VPS37A: variants seen among roughly 807,000 people sequenced by gnomAD.
VPS37A encodes the protein VPS37A subunit of ESCRT-I.
A neutral mutation model predicts 49.8 loss-of-function variants in VPS37A; 30 were observed. The observed-to-expected ratio is 0.60, with a 90% confidence interval of 0.45 to 0.82. The LOEUF is 0.82. Ranked by LOEUF, VPS37A falls within the 40% of genes least tolerant of loss-of-function variation. The probability of loss-of-function intolerance (pLI) is 0.00; values close to 1 mark genes in which losing one functional copy is unlikely to be tolerated. For missense variants in VPS37A, 593 were observed against 464.4 expected, an observed-to-expected ratio of 1.28 and a Z score of -2.55; for synonymous variants, 195 against 160.6, an observed-to-expected ratio of 1.21 and a Z score of -1.62.
At chr8:17,327,587 T>C in the VPS37A span, among the ~76,000 whole-genome samples, 2 of 152,106 alleles carry the variant, frequency 1.3e-5, no homozygotes, top group African/African-American at 4.8e-5. Flanking sequence ...CCTTCCTGTA[T>C]CTTTATTTTT....
chr8:17,327,734 ATTCTT>A, the VPS37A span, among the ~76,000 whole-genome samples: 8,500 of 152,244 alleles, frequency 0.056, 317 homozygotes, highest in Non-Finnish European at 0.085. Context: ...GTTTTACCAC[ATTCTT>A]TTGAGTATTG....
the VPS37A span, among the ~76,000 whole-genome samples, chr8:17,314,317 C>T: frequency 1.3e-5 from 2 of 152,074 alleles, no homozygotes; most frequent in Non-Finnish European, 2.9e-5. Flanking sequence ...GCAGTAAACA[C>T]ACATAGGGAA....
chr8:17,274,615 C>T, intron 4 of VPS37A, 118 bp from the exon 5 acceptor site: 1 of 614,882 alleles, frequency 1.6e-6, no homozygotes, highest in East Asian at 2.9e-5. Context: ...ATATCACCTG[C>T]CATTATAACA....
chr8:17,276,859 T>G (rs1463955625), intron 6 of VPS37A, among the ~76,000 whole-genome samples: 2 of 152,170 alleles, frequency 1.3e-5, no homozygotes, highest in Non-Finnish European at 2.9e-5. Context: ...AATAAAGTTA[T>G]AAAGTATTAG....
At chr8:17,271,299 C>T (rs569747630) in intron 4 of VPS37A, among the ~76,000 whole-genome samples, 1 of 152,282 alleles carries the variant, frequency 6.6e-6, no homozygotes, top group African/African-American at 2.4e-5. Flanking sequence ...CAAGATGACA[C>T]AATTCCTTTA....
chr8:17,308,271 TCTC>T, the VPS37A span, among the ~76,000 whole-genome samples: 1 of 152,226 alleles, frequency 6.6e-6, no homozygotes, highest in East Asian at 1.9e-4. Flanking sequence ...CTGTCATCTG[TCTC>T]CTATCTTGGA....
downstream of VPS37A, chr8:17,299,309 T>G (rs1816944164): frequency 6.6e-6 from 1 of 152,208 alleles, no homozygotes; most frequent in South Asian, 2.1e-4. Flanking sequence ...AAAGTTAAAG[T>G]GATGATTATG....
At chr8:17,323,236 C>T in the VPS37A span, among the ~76,000 whole-genome samples, 4 of 151,984 alleles carry the variant, frequency 2.6e-5, no homozygotes, top group Non-Finnish European at 5.9e-5. Context: ...TATGAGCCAC[C>T]ACACCCAGCC....
rs1249410926 is a variant in VPS37A at position 17,297,566 on chromosome 8, C to T, written c.*2580C>T. ...GGTCAAAATTCTTACCTATTTATTT[C>T]ATATCAACTTTAAAAAATAAATTAC... is the stretch of plus-strand genomic sequence containing the variant. On this transcript the variant is annotated 3_prime_UTR_variant, in exon 12 of 12. Transcript: ENST00000324849. 6.7e-6 allele frequency: 1 copy of T among 150,068 alleles called. No homozygotes were observed. The highest frequency in any genetic ancestry group is 1.5e-5 in the Non-Finnish European group (1 of 67,534). The allele number at this position is 150,068 out of a possible 1,614,324, so 9.3% of individuals were successfully genotyped here. A position where few individuals can be genotyped will look rare whatever the true frequency, so the allele number is the denominator to read the frequency against.
chr8:17,307,782 A>G, the VPS37A span, among the ~76,000 whole-genome samples: 1 of 152,100 alleles, frequency 6.6e-6, no homozygotes. Context: ...AAACTATCGC[A>G]AGGACAAAAA....
intron 1 of VPS37A, 44 bp from the exon 2 acceptor site, chr8:17,265,863 G>T: frequency 6.2e-7 from 1 of 1,611,884 alleles, no homozygotes; most frequent in South Asian, 1.1e-5. Context: ...TAACAATAAT[G>T]GTTTCATGAC....
At chr8:17,291,110 T>G (rs1185776785) in intron 11 of VPS37A, among the ~76,000 whole-genome samples, 1 of 152,158 alleles carries the variant, frequency 6.6e-6, no homozygotes, top group Non-Finnish European at 1.5e-5. Context: ...GCCTCCCAGG[T>G]TTAAGCAGTT....
the VPS37A span, chr8:17,311,460 C>T: frequency 6.2e-7 from 1 of 1,611,560 alleles, no homozygotes; most frequent in East Asian, 2.2e-5. Flanking sequence ...AACAGGGGTC[C>T]ATTCCTGGTC....
the VPS37A span, among the ~76,000 whole-genome samples, chr8:17,317,911 C>CT: frequency 6.6e-6 from 1 of 151,918 alleles, no homozygotes; most frequent in Non-Finnish European, 1.5e-5. Flanking sequence ...GTATTTTTGC[C>CT]TTTTTTTCCA....
intron 11 of VPS37A, among the ~76,000 whole-genome samples, chr8:17,292,010 C>G (rs1816204242): frequency 6.6e-6 from 1 of 152,126 alleles, no homozygotes; most frequent in Non-Finnish European, 1.5e-5. Context: ...GAACTCAGTT[C>G]AAGTCCTGAA....
intron 1 of VPS37A, among the ~76,000 whole-genome samples, chr8:17,254,527 A>G (rs892997289): frequency 8.5e-5 from 13 of 152,124 alleles, no homozygotes; most frequent in Non-Finnish European, 1.9e-4. Context: ...CTTAGTTTGC[A>G]TTGACCTGGT....
At chr8:17,313,186 G>C in the VPS37A span, 2 of 757,244 alleles carry the variant, frequency 2.6e-6, no homozygotes, top group South Asian at 3.5e-5. Context: ...TATCCAGTCA[G>C]TGCAGTGCAG....
rs1292407751 is a variant in VPS37A at position 17,274,931 on chromosome 8, C to G, written c.615C>G (p.Pro205=). Residue 205 remains proline, a synonymous_variant, in exon 5 of 12, where the codon CCC becomes CCG. Coordinates refer to ENST00000324849, the MANE Select transcript of VPS37A (RefSeq NM_152415.3). ...GTGTCCTTTCAAATCTGCCATTACC[C>G]ATTCCCACAGTGGATGCTTCAATAC... ...SFGVLSNLPL[P]IPTVDASIPT... is the part of the protein sequence containing the mutation. 3 of 1,614,026 alleles carry G rather than the reference C, an allele frequency of 1.9e-6. No homozygotes were observed. The African/African-American group carries it at 4.0e-5, about 22-fold the overall frequency.
intron 11 of VPS37A, 195 bp downstream of exon 11, chr8:17,286,622 A>T (rs985914367): frequency 2.1e-6 from 1 of 483,220 alleles, no homozygotes; most frequent in Non-Finnish European, 3.6e-6. Context: ...TCTTTTGGAT[A>T]TTTTCTGTGA....
Sources: allele counts gnomAD v4.1 joint callset (sites outside exome capture counted in the v4.1 genomes callset), GRCh38; gene constraint gnomAD v4.1.1; transcripts MANE v1.5; gene names NCBI Gene and HGNC (gene_info 2026-07-23, HGNC 2026-07-21).